SCAPER: variants seen among roughly 807,000 people sequenced by gnomAD.
SCAPER encodes the protein S-phase cyclin A associated protein in the ER, also known as S phase cyclin A-associated protein in the endoplasmic reticulum.
A neutral mutation model predicts 182.2 loss-of-function variants in SCAPER; 98 were observed. The ratio of observed to expected loss-of-function variants is 0.54; its 90% CI spans 0.46 to 0.64. SCAPER has a LOEUF of 0.64. Ranked by LOEUF, SCAPER falls within the 30% of genes least tolerant of loss-of-function variation. The pLI, the probability that SCAPER is intolerant of heterozygous loss-of-function variation, is 0.00. For synonymous variants in SCAPER, 605 were observed against 564.6 expected, an observed-to-expected ratio of 1.07 and a Z score of -1.01; for missense variants, 1,432 against 1,690.0, an observed-to-expected ratio of 0.85 and a Z score of 2.68.
chr15:76,662,174 T>C (rs976272761), intron 21 of SCAPER, among the ~76,000 whole-genome samples: 2 of 151,716 alleles, frequency 1.3e-5, no homozygotes, highest in Admixed American at 1.3e-4. Context: ...CATACAGGGG[T>C]CTGTCAGGGG....
intron 5 of SCAPER, among the ~76,000 whole-genome samples, chr15:76,828,514 G>C (rs1399281412): frequency 6.6e-6 from 1 of 152,098 alleles, no homozygotes; most frequent in Non-Finnish European, 1.5e-5. Context: ...AAAAATGACA[G>C]CTATCTATCT....
intron 23 of SCAPER, among the ~76,000 whole-genome samples, chr15:76,526,401 T>G (rs943381133): frequency 3.9e-5 from 6 of 152,308 alleles, no homozygotes; most frequent in Admixed American, 3.3e-4. Flanking sequence ...TAGTTTAAAG[T>G]ATTTTCTTCT....
chr15:76,774,499 A>T (rs892026915), intron 9 of SCAPER: 47 of 312,468 alleles, frequency 1.5e-4, no homozygotes, highest in Non-Finnish European at 1.3e-4. Context: ...TCCAAATTTT[A>T]TAATTGTAAT....
At chr15:76,558,487 C>G (rs960171027) in intron 23 of SCAPER, among the ~76,000 whole-genome samples, 5 of 152,106 alleles carry the variant, frequency 3.3e-5, no homozygotes, top group Non-Finnish European at 7.3e-5. Context: ...CCATCTCATA[C>G]AAGTCAGAAT....
chr15:76,845,590 T>C lies in SCAPER; in HGVS notation c.196-3659A>G, dbSNP rs113735749. On this transcript the variant is annotated intron_variant, in intron 4 of 31. Coordinates refer to ENST00000563290, the MANE Select transcript of SCAPER (RefSeq NM_020843.4). ...ACAGTGAACAATCTGAAAAAAAAAA[T>C]GGTAATTCCATTTACAGTAGACACA... Among the ~76,000 whole-genome samples, 228 of 150,632 alleles carry C rather than the reference T, an allele frequency of 1.5e-3. 2 individuals carry two copies. The highest frequency in any genetic ancestry group is 4.9e-3 in the African/African-American group (201 of 41,052).
At chr15:76,380,832 C>T (rs1430300113) in intron 28 of SCAPER, 2 of 152,284 alleles carry the variant, frequency 1.3e-5, no homozygotes, top group East Asian at 3.8e-4. Context: ...GATGCAAATC[C>T]CTGTAAAGCT....
chr15:76,373,767 A>G (rs1477956010), intron 29 of SCAPER, among the ~76,000 whole-genome samples: 1 of 152,228 alleles, frequency 6.6e-6, no homozygotes, highest in African/African-American at 2.4e-5. Context: ...AATGCACTGA[A>G]CATACACTTT....
chr15:76,761,564 C>A (rs1327493064), intron 14 of SCAPER, among the ~76,000 whole-genome samples: 1 of 152,064 alleles, frequency 6.6e-6, no homozygotes, highest in Non-Finnish European at 1.5e-5. Context: ...AGTTGTTCAA[C>A]TGTATGTTTA....
intron 25 of SCAPER, among the ~76,000 whole-genome samples, chr15:76,454,783 C>G (rs2048607203): frequency 6.6e-6 from 1 of 151,668 alleles, no homozygotes; most frequent in African/African-American, 2.4e-5. Context: ...CATAATTTAA[C>G]ATTGAAATGA....
chr15:76,661,042 A>G (rs1162247875), intron 21 of SCAPER, among the ~76,000 whole-genome samples: 1 of 152,206 alleles, frequency 6.6e-6, no homozygotes, highest in Non-Finnish European at 1.5e-5. Flanking sequence ...CTCTAAGGAA[A>G]TGCAGAGAAT....
intron 23 of SCAPER, among the ~76,000 whole-genome samples, chr15:76,546,478 T>C (rs2045293863): frequency 6.6e-6 from 1 of 152,102 alleles, no homozygotes; most frequent in Admixed American, 6.5e-5. Context: ...GCATTAGCCA[T>C]CATGTCTGAC....
intron 5 of SCAPER, among the ~76,000 whole-genome samples, chr15:76,819,713 C>A (rs555658911): frequency 2.6e-4 from 40 of 152,276 alleles, no homozygotes; most frequent in Non-Finnish European, 4.7e-4. Flanking sequence ...TCCTCACCAG[C>A]ACAGAACAAA....
intron 4 of SCAPER, among the ~76,000 whole-genome samples, chr15:76,853,225 T>C (rs1255975029): frequency 6.6e-6 from 1 of 152,188 alleles, no homozygotes; most frequent in Non-Finnish European, 1.5e-5. Flanking sequence ...CCAGAAGGAT[T>C]CACAGCCAAA....
At chr15:76,861,789 T>A (rs916745172) in intron 3 of SCAPER, 1 of 152,184 alleles carries the variant, frequency 6.6e-6, no homozygotes, top group African/African-American at 2.4e-5. Context: ...ATACTGCTTA[T>A]AAAGAACTGT....
At position 76,351,319 on chromosome 15, in the gene SCAPER, C is replaced by G. The variant is rs200768481; in HGVS notation, c.4048-31G>C. 1,517 of 1,585,876 alleles carry G rather than the reference C, an allele frequency of 9.6e-4. 2 individuals carry two copies. The highest frequency in any genetic ancestry group is 1.2e-3 in the Non-Finnish European group (1,436 of 1,164,270). ...TGAGGAGAGAAAAGTGTTTTTCTAT[C>G]AATGCTATGAACAGAGAATTTCACT... On this transcript the variant is annotated intron_variant, in intron 30 of 31. Coordinates refer to ENST00000563290, the MANE Select transcript of SCAPER (RefSeq NM_020843.4).
intron 2 of SCAPER, among the ~76,000 whole-genome samples, chr15:76,866,270 T>A (rs975740642): frequency 6.6e-6 from 1 of 152,122 alleles, no homozygotes; most frequent in African/African-American, 2.4e-5. Flanking sequence ...CGTGTGTGTG[T>A]GTATATCAGG....
chr15:76,677,152 C>T (rs1361671410), intron 20 of SCAPER, among the ~76,000 whole-genome samples: 1 of 152,174 alleles, frequency 6.6e-6, no homozygotes, highest in African/African-American at 2.4e-5. Context: ...TAAAAATCTT[C>T]CCAAAAGGTG....
intron 20 of SCAPER, among the ~76,000 whole-genome samples, chr15:76,670,639 C>T (rs776803905): frequency 2.6e-5 from 4 of 152,150 alleles, no homozygotes; most frequent in African/African-American, 7.2e-5. Context: ...TTTATGTCCC[C>T]GCAAGTGGTT....
chr15:76,726,492 C>A (rs1390906076), intron 17 of SCAPER, among the ~76,000 whole-genome samples: 2 of 151,742 alleles, frequency 1.3e-5, no homozygotes, highest in Non-Finnish European at 2.9e-5. Context: ...TATGATCCAA[C>A]CACTTCACTC....
Sources: allele counts gnomAD v4.1 joint callset (sites outside exome capture counted in the v4.1 genomes callset), GRCh38; gene constraint gnomAD v4.1.1; transcripts MANE v1.5; gene names NCBI Gene and HGNC (gene_info 2026-07-23, HGNC 2026-07-21).